The following MICALL2 variants were observed in gnomAD, a reference collection of about 807,000 sequenced individuals.
MICALL2 encodes the protein MICAL-like protein 2.
A neutral mutation model predicts 91.1 loss-of-function variants in MICALL2; 111 were observed. The ratio of observed to expected loss-of-function variants is 1.22; its 90% CI spans 1.04 to 1.43. MICALL2 has a LOEUF of 1.43. Ranked by LOEUF, MICALL2 falls within the 40% of genes most tolerant of loss-of-function variation. MICALL2 has a pLI of 0.00. For missense variants in MICALL2, 1,556 were observed against 1,236.0 expected (o/e 1.26, Z -3.88); for synonymous variants, 694 against 525.3 (o/e 1.32, Z -4.39).
intron 1 of MICALL2, among the ~76,000 whole-genome samples, chr7:1,457,525 G>A (rs1781063940): frequency 2.0e-5 from 3 of 152,232 alleles, no homozygotes; most frequent in African/African-American, 4.8e-5. Context: ...GGAGGCTGAG[G>A]GGAACTGGCA....
chr7:1,445,386 C>T lies in MICALL2; in HGVS notation c.684G>A (p.Lys228=), dbSNP rs1340565996. ...CGAAGGTGCCCGGCTCTCCTGTGGC[C>T]TTGTAGGCCCCCGAGTGCAGCGTGC... ...CSCTLHSGAY[K]ATGEPGTFVC... is the part of the protein sequence containing the mutation. The change falls in exon 6 of 17, where the codon AAG becomes AAA. Residue 228 remains lysine (K), a synonymous_variant. Coordinates refer to ENST00000297508, the MANE Select transcript of MICALL2 (RefSeq NM_182924.4). The T allele has an allele frequency of 3.2e-6, 5 of 1,577,240 alleles. No homozygotes were observed. The highest frequency in any genetic ancestry group is 4.3e-6 in the Non-Finnish European group (5 of 1,168,190).
At chr7:1,443,883 C>A (rs1053112297) in intron 6 of MICALL2, among the ~76,000 whole-genome samples, 5 of 152,180 alleles carry the variant, frequency 3.3e-5, no homozygotes, top group African/African-American at 7.2e-5. Flanking sequence ...TGATGCAGCG[C>A]CCCCCTCTAC....
chr7:1,448,802 C>G (rs778507380), intron 2 of MICALL2, 41 bp from the exon 3 acceptor site: 1 of 1,606,932 alleles, frequency 6.2e-7, no homozygotes, highest in African/African-American at 1.3e-5. Flanking sequence ...AGCTGGGAGC[C>G]CCCTCCTTCT....
chr7:1,448,613 G>T lies in MICALL2; in HGVS notation c.334+7C>A. 1.2e-6 allele frequency: 2 copies of T among 1,612,538 alleles called. No homozygotes were observed. The highest frequency in any genetic ancestry group is 1.7e-6 in the Non-Finnish European group (2 of 1,179,832). ...TGCCTGGCTCGGCGGGCGCGGCAGG[G>T]ACTCACTGGGGGAGCGGCCGTGGAA... On this transcript the variant is annotated splice_region_variant and intron_variant, in intron 3 of 16. Coordinates refer to ENST00000297508, the MANE Select transcript of MICALL2 (RefSeq NM_182924.4).
intron 12 of MICALL2, 26 bp downstream of exon 12, chr7:1,438,071 G>T: frequency 6.4e-7 from 1 of 1,569,712 alleles, no homozygotes; most frequent in Non-Finnish European, 8.6e-7. Context: ...AGTCGGGCTG[G>T]CCCAGGGCCA....
In MICALL2 at chr7:1,434,511, C is replaced by T. The variant is rs140005372; in HGVS notation, c.*85G>A. ...GAGCCCACGGCCCCGAGTACAAGTC[C>T]GGGTTCCGGGTCCGGGCCAAGCCCA... On this transcript the variant is annotated 3_prime_UTR_variant, in exon 17 of 17. Transcript: ENST00000297508. 2.6e-4 allele frequency: 329 copies of T among 1,251,266 alleles called. 1 individual carries two copies. In the African/African-American group the frequency reaches 3.3e-3, roughly 13 times the overall value. 77.5% of individuals were successfully genotyped at this position (1,251,266 alleles called of 1,614,324 possible).
rs1780815906 is a variant in MICALL2, at chr7:1,451,246, GGGA to G, written c.144-961_144-959del. On this transcript the variant is annotated intron_variant, in intron 1 of 16. Coordinates refer to ENST00000297508, the MANE Select transcript of MICALL2 (RefSeq NM_182924.4). This position sits in a 1 kb window ranked among gnomAD's most constrained non-coding sequence, Gnocchi z 4.5. ...TCCTGGGACTCCTGATGGGCACCTTGGGAGGATACCCTGGGCAGAAAACACACC... is the reference window on the plus strand; with the variant it reads ...TCCTGGGACTCCTGATGGGCACCTTGGGATACCCTGGGCAGAAAACACACC... 6.6e-6 allele frequency among the ~76,000 whole-genome samples: 1 copy of G among 152,120 alleles called. No homozygotes were observed. Among genetic ancestry groups the G allele is most frequent in the South Asian group, 2.1e-4 (1 of 4,826 alleles).
Position 1,437,755 on chromosome 7 carries a change from A to T in MICALL2, c.2402+135T>A, listed in dbSNP as rs1442453680. On this transcript the variant is annotated intron_variant, in intron 13 of 16. Transcript: ENST00000297508. Reference sequence around the variant, plus strand: ...CCCGTCCCCCGCCTGGCCCACCCAGACCGCAACGAGGTCCTGGACCTGCCG... The same window carrying T: ...CCCGTCCCCCGCCTGGCCCACCCAGTCCGCAACGAGGTCCTGGACCTGCCG... The T allele has an allele frequency of 2.5e-6, 3 of 1,191,448 alleles. No homozygotes were observed. The South Asian group carries it at 4.0e-5, about 16-fold the overall frequency. The allele number at this position is 1,191,448 out of a possible 1,614,324, so 73.8% of individuals were successfully genotyped here. A position where few individuals can be genotyped will look rare whatever the true frequency, so the allele number is the denominator to read the frequency against.
chr7:1,457,433 A>C (rs1166510365), intron 1 of MICALL2, among the ~76,000 whole-genome samples: 1 of 151,532 alleles, frequency 6.6e-6, no homozygotes, highest in African/African-American at 2.4e-5. Flanking sequence ...TGGCCTCTGC[A>C]CTCTCTGGAG....
intron 6 of MICALL2, 25 bp from the exon 7 acceptor site, chr7:1,442,509 G>A (rs986142951): frequency 6.6e-7 from 1 of 1,514,638 alleles, no homozygotes; most frequent in South Asian, 1.3e-5. Flanking sequence ...GCAGGCATCA[G>A]GCACAGCTGG....
rs919054927 is a variant in MICALL2 at position 1,445,195 on chromosome 7, C to T, written c.875G>A (p.Gly292Asp). 5.6e-6 allele frequency: 9 copies of T among 1,596,758 alleles called. No homozygotes were observed. In the African/African-American group the frequency reaches 1.1e-4, roughly 19 times the overall value. Residue 292 changes from glycine (G) to aspartate (D), a missense_variant, in exon 6 of 17, where the codon GGC becomes GAC. Gly to Asp is a moderately conservative substitution (Grantham distance 94). Coordinates refer to ENST00000297508, the MANE Select transcript of MICALL2 (RefSeq NM_182924.4). ...AACGGAAGCCCTGGCAGGCGAGTTG[C>T]CCGCAGCAGGCTCCCAGGCCGACGG... is the stretch of plus-strand genomic sequence containing the variant. The part of the protein sequence containing the change: ...ARPSAWEPAA[G>D]NSPARASVPA...
chr7:1,438,991 C>T lies in MICALL2; in HGVS notation c.1971G>A (p.Arg657=), dbSNP rs753173015. 21 of 1,592,748 alleles carry T rather than the reference C, an allele frequency of 1.3e-5. No homozygotes were observed. The highest frequency in any genetic ancestry group is 1.7e-5 in the Non-Finnish European group (20 of 1,175,384). The stretch of plus-strand genomic sequence containing the variant: ...TCCTGCGGCGGGGTGGGGAGGGGGA[C>T]CTGGCTGCCCCCAGGTGGGGAGACA... ...PASPGPSLPA[R]SPSPPRRRRL... The change falls in exon 10 of 17, where the codon AGG becomes AGA. Residue 657 remains arginine (R), a synonymous_variant. Transcript: ENST00000297508.
chr7:1,438,072 C>CCCAGGG (rs1780064286), intron 12 of MICALL2, 25 bp downstream of exon 12: 2 of 1,570,018 alleles, frequency 1.3e-6, no homozygotes, highest in Non-Finnish European at 8.6e-7. Flanking sequence ...GTCGGGCTGG[C>CCCAGGG]CCAGGGCCAG....
At chr7:1,450,894 A>T (rs1780801923) in intron 1 of MICALL2, among the ~76,000 whole-genome samples, 1 of 152,228 alleles carries the variant, frequency 6.6e-6, no homozygotes, top group African/African-American at 2.4e-5. Flanking sequence ...AGCGCTTCAC[A>T]AATACCAACC....
At chr7:1,445,730 G>C (rs1018744302) in intron 5 of MICALL2, among the ~76,000 whole-genome samples, 5 of 152,158 alleles carry the variant, frequency 3.3e-5, no homozygotes, top group Admixed American at 2.0e-4. Context: ...GCTTGTGCAG[G>C]TCAGCAGACA....
In MICALL2 at chr7:1,451,887, C is replaced by T. The variant is rs941164691; in HGVS notation, c.144-1599G>A. Among the ~76,000 whole-genome samples, 4 of 152,224 alleles carry T rather than the reference C, an allele frequency of 2.6e-5. No homozygotes were observed. Among genetic ancestry groups the T allele is most frequent in the African/African-American group, 9.6e-5 (4 of 41,464 alleles). Reference sequence around the variant, plus strand: ...GCACAGCCCTTGCCAGGCCCTGACCCCCATAAGAATGCTCCGAGGCCCGGA... The same window carrying T: ...GCACAGCCCTTGCCAGGCCCTGACCTCCATAAGAATGCTCCGAGGCCCGGA... On this transcript the variant is annotated intron_variant, in intron 1 of 16. Coordinates refer to ENST00000297508, the MANE Select transcript of MICALL2 (RefSeq NM_182924.4). The surrounding 1 kb of genome is among the most constrained non-coding windows in gnomAD (Gnocchi z 4.5).
intron 7 of MICALL2, 62 bp from the exon 8 acceptor site, chr7:1,440,746 G>C: frequency 7.1e-7 from 1 of 1,415,458 alleles, no homozygotes; most frequent in Non-Finnish European, 9.9e-7. Flanking sequence ...GTGTCTGCAA[G>C]GGTGGCTGTG....
In MICALL2 at chr7:1,438,143, C is replaced by G; in HGVS notation, c.2265G>C (p.Glu755Asp). The change falls in exon 12 of 17, where the codon GAG becomes GAC. Residue 755 changes from glutamate to aspartate, a missense_variant. Transcript: ENST00000297508. ...QDIERRLDAL[E>D]LRGVELEKRL... ...GCTTCTCCAGCTCCACGCCGCGGAG[C>G]TCCAGGGCGTCCAGCCGCCTCTCGA... is the stretch of plus-strand genomic sequence containing the variant. 2 of 1,562,038 alleles carry G rather than the reference C, an allele frequency of 1.3e-6. No individual in the cohort carries two copies. Among genetic ancestry groups the G allele is most frequent in the Non-Finnish European group, 1.7e-6 (2 of 1,153,716 alleles).
intron 9 of MICALL2, 54 bp from the exon 10 acceptor site, chr7:1,439,049 C>T: frequency 7.0e-7 from 1 of 1,423,878 alleles, no homozygotes. Context: ...CACTGGGAGC[C>T]TGGGGTCTGT....
Sources: allele counts gnomAD v4.1 joint callset (sites outside exome capture counted in the v4.1 genomes callset), GRCh38; gene constraint gnomAD v4.1.1; non-coding constraint Gnocchi (gnomAD v3.1); transcripts MANE v1.5; gene names NCBI Gene and HGNC (gene_info 2026-07-23, HGNC 2026-07-21).